Variants in SGCZ observed in about 807,000 individuals in gnomAD.
SGCZ encodes the protein sarcoglycan zeta.
A neutral mutation model predicts 41.3 loss-of-function variants in SGCZ; 40 were observed. The ratio of observed to expected loss-of-function variants is 0.97; its 90% confidence interval spans 0.75 to 1.26. The LOEUF is 1.26. Ranked by LOEUF, SGCZ falls within the 50% of genes most tolerant of loss-of-function variation. The pLI is 0.00. For synonymous variants in SGCZ, 206 were observed against 137.5 expected, an observed-to-expected ratio of 1.50 and a Z score of -3.49; for missense variants, 552 against 369.8, an observed-to-expected ratio of 1.49 and a Z score of -4.04.
intron 1 of SGCZ, among the ~76,000 whole-genome samples, chr8:14,867,593 C>T (rs1478721105): frequency 6.6e-6 from 1 of 152,132 alleles, no homozygotes; most frequent in Non-Finnish European, 1.5e-5. Context: ...CTCTTTTTCT[C>T]CACAACCTCG....
intron 3 of SGCZ, among the ~76,000 whole-genome samples, chr8:14,295,461 C>T (rs1265072134): frequency 1.3e-5 from 2 of 152,056 alleles, no homozygotes; most frequent in African/African-American, 2.4e-5. Flanking sequence ...AGAATCTGTC[C>T]ATAATCATTC....
chr8:14,416,966 G>C (rs11782514), intron 2 of SGCZ, among the ~76,000 whole-genome samples: 1 of 151,512 alleles, frequency 6.6e-6, no homozygotes, highest in Non-Finnish European at 1.5e-5. Flanking sequence ...TCCAACATAA[G>C]GCAGGGTTAT....
intron 1 of SGCZ, among the ~76,000 whole-genome samples, chr8:15,064,395 T>C (rs1805047633): frequency 6.6e-6 from 1 of 152,144 alleles, no homozygotes; most frequent in South Asian, 2.1e-4. Context: ...ACATATATTA[T>C]ACACAACTGA....
intron 3 of SGCZ, among the ~76,000 whole-genome samples, chr8:14,257,317 A>G (rs551472339): frequency 4.3e-4 from 66 of 151,852 alleles, no homozygotes; most frequent in African/African-American, 1.5e-3. Context: ...CACTCACTCC[A>G]GCCTGGGCAA....
At chr8:14,093,824 C>T (rs1209413238) in intron 7 of SGCZ, among the ~76,000 whole-genome samples, 2 of 152,070 alleles carry the variant, frequency 1.3e-5, no homozygotes, top group East Asian at 3.9e-4. Flanking sequence ...TAAAATAATG[C>T]TAATCTTTCT....
chr8:15,058,988 A>G (rs893768203), intron 1 of SGCZ, among the ~76,000 whole-genome samples: 2 of 152,312 alleles, frequency 1.3e-5, no homozygotes, highest in East Asian at 1.9e-4. Context: ...TAGCTTATCT[A>G]AAATGTCTCT....
At chr8:14,514,694 C>T (rs889907217) in intron 2 of SGCZ, among the ~76,000 whole-genome samples, 1 of 147,860 alleles carries the variant, frequency 6.8e-6, no homozygotes, top group Non-Finnish European at 1.5e-5. Context: ...TATATATTTA[C>T]ATATATGTAC....
chr8:14,154,797 G>A (rs917039035), intron 5 of SGCZ, among the ~76,000 whole-genome samples: 4 of 152,164 alleles, frequency 2.6e-5, no homozygotes, highest in South Asian at 2.1e-4. Flanking sequence ...TTAAGGAAAC[G>A]GAGGTACATG....
At chr8:15,123,692 C>T (rs1807569246) in intron 1 of SGCZ, among the ~76,000 whole-genome samples, 1 of 152,056 alleles carries the variant, frequency 6.6e-6, no homozygotes, top group Non-Finnish European at 1.5e-5. Context: ...AGTATGACAC[C>T]AGGACAAAGG....
intron 1 of SGCZ, among the ~76,000 whole-genome samples, chr8:14,774,280 C>T (rs1471784360): frequency 1.3e-5 from 2 of 152,160 alleles, no homozygotes; most frequent in Non-Finnish European, 2.9e-5. Flanking sequence ...ATCAATCCAC[C>T]TACAGATTTT....
intron 2 of SGCZ, among the ~76,000 whole-genome samples, chr8:14,431,277 T>G (rs1041091812): frequency 2.6e-5 from 4 of 152,176 alleles, no homozygotes; most frequent in African/African-American, 9.7e-5. Context: ...TCACATTACC[T>G]GATTTCAAAT....
At chr8:14,234,521 T>C (rs1282167228) in intron 4 of SGCZ, among the ~76,000 whole-genome samples, 3 of 152,102 alleles carry the variant, frequency 2.0e-5, no homozygotes, top group African/African-American at 4.8e-5. Flanking sequence ...ATGCATTCTA[T>C]TGGTAGACAA....
chr8:14,466,159 A>T (rs1801043640), intron 2 of SGCZ, among the ~76,000 whole-genome samples: 1 of 151,930 alleles, frequency 6.6e-6, no homozygotes, highest in East Asian at 1.9e-4. Context: ...GTGGTAATAA[A>T]CTTATTCACC....
At chr8:14,933,151 A>T (rs1051180807) in intron 1 of SGCZ, among the ~76,000 whole-genome samples, 1 of 151,936 alleles carries the variant, frequency 6.6e-6, no homozygotes, top group African/African-American at 2.4e-5. Flanking sequence ...CTACGTCGGT[A>T]ACAGCATCAA....
intron 1 of SGCZ, among the ~76,000 whole-genome samples, chr8:14,701,073 G>C (rs1225770761): frequency 2.0e-5 from 3 of 151,964 alleles, no homozygotes; most frequent in Non-Finnish European, 4.4e-5. Context: ...AGGAACTGGA[G>C]TGTTGCGGAA....
chr8:15,078,540 T>C (rs1208293990), intron 1 of SGCZ, among the ~76,000 whole-genome samples: 1 of 152,076 alleles, frequency 6.6e-6, no homozygotes, highest in East Asian at 1.9e-4. Context: ...CTCCCAGATA[T>C]ACCACAGGTT....
chr8:14,814,989 C>T (rs1801859309), intron 1 of SGCZ, among the ~76,000 whole-genome samples: 2 of 152,086 alleles, frequency 1.3e-5, no homozygotes, highest in African/African-American at 2.4e-5. Flanking sequence ...GTTACTTCTT[C>T]TGCCTCCATT....
intron 1 of SGCZ, among the ~76,000 whole-genome samples, chr8:14,628,869 C>G (rs535053167): frequency 1.4e-4 from 21 of 152,130 alleles, no homozygotes; most frequent in African/African-American, 4.1e-4. Flanking sequence ...TGGTGTGGTT[C>G]TCATAATTCC....
chr8:14,517,180 G>T (rs75540040), intron 2 of SGCZ, among the ~76,000 whole-genome samples: 3,035 of 151,960 alleles, frequency 0.02, 76 homozygotes, highest in African/African-American at 0.052. Context: ...GACATGAGGG[G>T]ATGATGGCGC....
Sources: gnomAD v4.1 joint callset for allele counts (sites outside exome capture counted in the v4.1 genomes callset) on GRCh38, gnomAD v4.1.1 for gene constraint, MANE v1.5 for transcripts, NCBI Gene and HGNC (gene_info 2026-07-23, HGNC 2026-07-21) for gene names.